The following YME1L1 variants were observed in gnomAD, a reference collection of about 807,000 sequenced individuals.
The protein encoded by YME1L1 is YME1 like 1 ATPase.
YME1L1 carries 39 observed loss-of-function variants against 90.4 expected under a neutral mutation model. That is an observed-to-expected ratio of 0.43 (90% CI 0.33 to 0.56). The LOEUF is 0.56. Ranked by LOEUF, YME1L1 falls within the 20% of genes least tolerant of loss-of-function variation. The probability of loss-of-function intolerance (pLI) is 0.03; values close to 1 mark genes in which losing one functional copy is unlikely to be tolerated. For missense variants in YME1L1, 617 were observed against 868.4 expected, an observed-to-expected ratio of 0.71 and a Z score of 3.64; for synonymous variants, 284 against 287.3, an observed-to-expected ratio of 0.99 and a Z score of 0.12.
chr10:27,151,468 T>C (rs531978765), intron 1 of YME1L1, among the ~76,000 whole-genome samples: 5 of 152,362 alleles, frequency 3.3e-5, no homozygotes, highest in East Asian at 3.9e-4. Context: ...ATTTAATAGA[T>C]GAAGACAACA....
intron 5 of YME1L1, among the ~76,000 whole-genome samples, chr10:27,135,213 G>T (rs1306477733): frequency 6.6e-6 from 1 of 152,098 alleles, no homozygotes; most frequent in Non-Finnish European, 1.5e-5. Flanking sequence ...TTCTCTGCAC[G>T]AACACTACAC....
chr10:27,116,401 G>T (rs2056813488), intron 15 of YME1L1, 56 bp from the exon 16 acceptor site: 3 of 1,592,732 alleles, frequency 1.9e-6, no homozygotes, highest in Non-Finnish European at 2.6e-6. Context: ...GGGTGCGGTG[G>T]CTCACGCCTG....
At chr10:27,141,534 G>A (rs1341748823) in intron 4 of YME1L1, among the ~76,000 whole-genome samples, 1 of 151,758 alleles carries the variant, frequency 6.6e-6, no homozygotes, top group African/African-American at 2.4e-5. Flanking sequence ...GTAATCTGGG[G>A]TGCTAGCTTC....
At position 27,148,897 on chromosome 10, in the gene YME1L1, A is replaced by G; in HGVS notation, c.168+9T>C. The G allele has an allele frequency of 6.2e-7, 1 of 1,613,496 alleles. No homozygotes were observed. Among genetic ancestry groups the G allele is most frequent in the Middle Eastern group, 1.7e-4 (1 of 6,060 alleles). On this transcript the variant is annotated intron_variant, in intron 2 of 18. Transcript: ENST00000376016. ...AAGGCTTTCTCACACAACCAGGATA[A>G]AGACTTACCTCACTGCTGGGAGCCT...
At chr10:27,129,479 AAAG>A (rs375705683) in intron 8 of YME1L1, 267 of 152,360 alleles carry the variant, frequency 1.8e-3, no homozygotes, top group African/African-American at 6.0e-3. Flanking sequence ...ACGAATAAGT[AAAG>A]AAGAAAAGCA....
At chr10:27,118,942 A>C (rs2135846558) in intron 14 of YME1L1, among the ~76,000 whole-genome samples, 1 of 152,316 alleles carries the variant, frequency 6.6e-6, no homozygotes, top group East Asian at 1.9e-4. Context: ...GGTGTTGTCA[A>C]GTATATATTT....
intron 11 of YME1L1, 115 bp from the exon 12 acceptor site, chr10:27,121,563 G>A (rs992252338): frequency 2.7e-6 from 2 of 731,888 alleles, no homozygotes; most frequent in Non-Finnish European, 4.7e-6. Flanking sequence ...CTCGCTTTGT[G>A]GCCTAGGCTG....
chr10:27,118,180 A>G (rs2056832683), intron 14 of YME1L1, among the ~76,000 whole-genome samples: 1 of 152,214 alleles, frequency 6.6e-6, no homozygotes, highest in Non-Finnish European at 1.5e-5. Context: ...TTCTTATTAT[A>G]GCTCACTCCA....
chr10:27,145,066 G>A (rs539438109), intron 3 of YME1L1, among the ~76,000 whole-genome samples: 3 of 152,244 alleles, frequency 2.0e-5, no homozygotes, highest in South Asian at 2.1e-4. Context: ...GTGTGAACCC[G>A]GGAGGCGGAG....
At chr10:27,116,462 T>C in intron 15 of YME1L1, 117 bp from the exon 16 acceptor site, 1 of 1,104,368 alleles carries the variant, frequency 9.1e-7, no homozygotes, top group Non-Finnish European at 1.3e-6. Flanking sequence ...AGGTTGGGAG[T>C]TCGAGACCAG....
chr10:27,136,811 C>T (rs946292401), intron 4 of YME1L1, among the ~76,000 whole-genome samples: 2 of 151,638 alleles, frequency 1.3e-5, no homozygotes, highest in East Asian at 1.9e-4. Flanking sequence ...CTGCAACCTC[C>T]GCCTCCTGGG....
In YME1L1 at chr10:27,148,751, A is replaced by AATAGTAG. The variant is rs60678081; in HGVS notation, c.168+148_168+154dup. Among the ~76,000 whole-genome samples the AATAGTAG allele has an allele frequency of 0.099, 15,079 of 152,116 alleles. 2,439 individuals are homozygous for AATAGTAG. The highest frequency in any genetic ancestry group is 0.34 in the African/African-American group (14,075 of 41,366). On this transcript the variant is annotated intron_variant, in intron 2 of 18. Transcript: ENST00000376016. ...ATTTTATCGGTAAGGCTTCCTGGTC[A>AATAGTAG]ATAGTAGGGTATTAGTAGTTAAGTT...
At chr10:27,141,149 C>T (rs913705369) in intron 4 of YME1L1, among the ~76,000 whole-genome samples, 13 of 152,276 alleles carry the variant, frequency 8.5e-5, no homozygotes, top group Non-Finnish European at 1.3e-4. Flanking sequence ...CATCCCAACA[C>T]TTTAGAAGGC....
At chr10:27,122,795 G>A (rs879920097) in intron 11 of YME1L1, 46 bp downstream of exon 11, 53 of 1,606,550 alleles carry the variant, frequency 3.3e-5, no homozygotes, top group Non-Finnish European at 4.2e-5. Context: ...TATATCAAAT[G>A]CTGGGAGGCA....
intron 1 of YME1L1, among the ~76,000 whole-genome samples, chr10:27,151,025 G>A (rs2057208600): frequency 1.3e-5 from 2 of 148,388 alleles, no homozygotes; most frequent in South Asian, 4.3e-4. Flanking sequence ...TCCTGGGTTC[G>A]AGTGATTCTC....
At chr10:27,113,703 A>G (rs2135835701) in intron 18 of YME1L1, among the ~76,000 whole-genome samples, 1 of 151,524 alleles carries the variant, frequency 6.6e-6, no homozygotes, top group East Asian at 1.9e-4. Flanking sequence ...AAACAAAAAC[A>G]AAAAACTGAA....
At chr10:27,148,282 G>A (rs566556514) in intron 2 of YME1L1, among the ~76,000 whole-genome samples, 1 of 151,898 alleles carries the variant, frequency 6.6e-6, no homozygotes, top group Admixed American at 6.6e-5. Context: ...GGCTCACAGC[G>A]ACCTCTGCCT....
intron 2 of YME1L1, chr10:27,147,382 G>C (rs577758381): frequency 2.7e-5 from 42 of 1,560,968 alleles, no homozygotes; most frequent in Non-Finnish European, 3.5e-5. Context: ...GACTGGATGA[G>C]AGAGAAGGCT....
At chr10:27,133,860 A>T (rs1182245851) in intron 7 of YME1L1, among the ~76,000 whole-genome samples, 179 bp downstream of exon 7, 1 of 152,162 alleles carries the variant, frequency 6.6e-6, no homozygotes, top group Non-Finnish European at 1.5e-5. Context: ...TAAATTTTAT[A>T]ATTGGACAGG....
Sources: gnomAD v4.1 joint callset for allele counts (sites outside exome capture counted in the v4.1 genomes callset) on GRCh38, gnomAD v4.1.1 for gene constraint, MANE v1.5 for transcripts, NCBI Gene and HGNC (gene_info 2026-07-23, HGNC 2026-07-21) for gene names.